Variants in SPATA13 observed in about 807,000 individuals in gnomAD.
SPATA13 encodes the protein spermatogenesis-associated protein 13.
SPATA13 carries 50 observed loss-of-function variants against 104.0 expected under a neutral mutation model. The observed-to-expected ratio is 0.48, with a 90% CI of 0.38 to 0.61. The LOEUF is 0.61. Ranked by LOEUF, SPATA13 falls within the 20% of genes least tolerant of loss-of-function variation. The pLI, the probability that SPATA13 is intolerant of heterozygous loss-of-function variation, is 0.00. For synonymous variants in SPATA13, 606 were observed against 667.5 expected (o/e 0.91, Z 1.42); for missense variants, 1,524 against 1,690.6 (o/e 0.90, Z 1.73).
chr13:24,125,267 C>T (rs555352054), intron 3 of SPATA13, among the ~76,000 whole-genome samples: 10 of 152,304 alleles, frequency 6.6e-5, no homozygotes, highest in African/African-American at 2.4e-4. Context: ...AGTTGCATCT[C>T]CTAACACGGC....
chr13:24,054,659 A>G (rs1593301658), intron 3 of SPATA13, among the ~76,000 whole-genome samples: 1 of 152,244 alleles, frequency 6.6e-6, no homozygotes, highest in East Asian at 1.9e-4. Flanking sequence ...AAGAGAAAAT[A>G]TGTGAAATAT....
chr13:24,122,575 A>G, intron 3 of SPATA13: 1 of 1,549,116 alleles, frequency 6.5e-7, no homozygotes, highest in African/African-American at 1.4e-5. Flanking sequence ...ATGACCTCTA[A>G]CAATTTTGTT....
At chr13:24,191,510 T>C (rs972301875) in intron 1 of SPATA13, among the ~76,000 whole-genome samples, 14 of 124,700 alleles carry the variant, frequency 1.1e-4, no homozygotes, top group East Asian at 1.1e-3. Flanking sequence ...TCTTTTTTTT[T>C]TTTTTTTTTT....
chr13:24,054,966 ATGAC>A lies in SPATA13; in HGVS notation c.-112+37267_-112+37270del, dbSNP rs557196136. 5.3e-4 allele frequency among the ~76,000 whole-genome samples: 81 copies of A among 152,356 alleles called. 1 individual carries two copies. The South Asian group carries it at 0.015, about 28-fold the overall frequency. On this transcript the variant is annotated intron_variant, in intron 3 of 14. Transcript: ENST00000424834. ...AGCTACCTTTCAGAAGCTGGTTATT[ATGAC>A]TATTATTTTACACTCATAATTCAAT...
Position 24,297,400 on chromosome 13 carries a change from A to T in SPATA13, c.3248A>T (p.His1083Leu). The change falls in exon 11 of 13, where the codon CAT becomes CTT. Residue 1083 changes from histidine (H) to leucine (L), a missense_variant. Transcript: ENST00000382108. ...DILDRSSELI[H>L]SGELTKITKQ... is the part of the protein sequence containing the mutation. ...TTAGACCGAAGCTCAGAATTGATTC[A>T]TTCTGGGGAGCTGACCAAAATCACT... 1 of 1,613,778 alleles carries T rather than the reference A, an allele frequency of 6.2e-7. No homozygotes were observed. The highest frequency in any genetic ancestry group is 1.7e-5 in the Admixed American group (1 of 60,014).
chr13:24,172,842 C>T (rs551879565), intron 1 of SPATA13, among the ~76,000 whole-genome samples: 9 of 152,240 alleles, frequency 5.9e-5, no homozygotes, highest in South Asian at 2.1e-4. Flanking sequence ...TTAGAATAGT[C>T]GTCTCTCCAT....
intron 3 of SPATA13, among the ~76,000 whole-genome samples, chr13:24,143,850 A>G (rs1593357897): frequency 6.6e-6 from 1 of 152,298 alleles, no homozygotes; most frequent in South Asian, 2.1e-4. Flanking sequence ...AACATGTGAC[A>G]CTTTCTCTCT....
At chr13:24,195,484 G>A (rs1354412136) in intron 1 of SPATA13, among the ~76,000 whole-genome samples, 1 of 152,078 alleles carries the variant, frequency 6.6e-6, no homozygotes, top group African/African-American at 2.4e-5. Flanking sequence ...TGGAATTGAT[G>A]GGTCATATAA....
chr13:24,030,060 A>ATG (rs1252280588), intron 3 of SPATA13, among the ~76,000 whole-genome samples: 4,365 of 143,462 alleles, frequency 0.03, 209 homozygotes, highest in African/African-American at 0.1. Flanking sequence ...ACACACACAC[A>ATG]CACACGCACA....
At chr13:24,270,214 T>C (rs1305716998) in intron 4 of SPATA13, among the ~76,000 whole-genome samples, 2 of 152,152 alleles carry the variant, frequency 1.3e-5, no homozygotes, top group African/African-American at 2.4e-5. Flanking sequence ...TAGAAGAGTA[T>C]AGAGGAAATA....
chr13:24,147,721 T>TG (rs1881977392), intron 3 of SPATA13, among the ~76,000 whole-genome samples: 1 of 152,160 alleles, frequency 6.6e-6, no homozygotes, highest in South Asian at 2.1e-4. Flanking sequence ...GAGCTGAAAC[T>TG]GAAACCCTGT....
intron 1 of SPATA13, among the ~76,000 whole-genome samples, chr13:24,201,136 T>C (rs1024843418): frequency 6.6e-6 from 1 of 151,372 alleles, no homozygotes; most frequent in Non-Finnish European, 1.5e-5. Context: ...TTCCCTTGCC[T>C]TAGTGAGGTT....
intron 3 of SPATA13, among the ~76,000 whole-genome samples, chr13:24,066,423 T>G (rs146100313): frequency 7.5e-4 from 114 of 152,174 alleles, no homozygotes; most frequent in Non-Finnish European, 1.3e-3. Context: ...GGCCCGGAGG[T>G]GAGACTCCCA....
intron 1 of SPATA13, among the ~76,000 whole-genome samples, chr13:24,212,141 G>A (rs952176035): frequency 6.6e-6 from 1 of 151,998 alleles, no homozygotes; most frequent in African/African-American, 2.4e-5. Context: ...GGCCAGGTGC[G>A]GTGGCTCTTG....
chr13:24,222,386 C>A (rs962818094), intron 1 of SPATA13, among the ~76,000 whole-genome samples: 2 of 152,156 alleles, frequency 1.3e-5, no homozygotes, highest in Non-Finnish European at 2.9e-5. Flanking sequence ...TTTGAGTATT[C>A]GGTATGTTGG....
chr13:24,215,710 G>T (rs892236620), intron 1 of SPATA13, among the ~76,000 whole-genome samples: 13 of 152,168 alleles, frequency 8.5e-5, no homozygotes, highest in African/African-American at 3.1e-4. Flanking sequence ...ATTCTGTGCT[G>T]ACTGCACTGT....
chr13:24,227,503 A>G (rs1872011153), intron 2 of SPATA13, among the ~76,000 whole-genome samples: 1 of 152,234 alleles, frequency 6.6e-6, no homozygotes, highest in Non-Finnish European at 1.5e-5. Context: ...AGGTGCGTGC[A>G]CATGTTGATA....
intron 3 of SPATA13, among the ~76,000 whole-genome samples, chr13:24,119,942 G>A (rs1269648668): frequency 1.3e-5 from 2 of 152,196 alleles, no homozygotes; most frequent in African/African-American, 4.8e-5. Flanking sequence ...TTTTCCATGA[G>A]GGAGCAAATG....
chr13:24,291,264 G>A (rs146033796), intron 9 of SPATA13, among the ~76,000 whole-genome samples: 1 of 152,316 alleles, frequency 6.6e-6, no homozygotes, highest in African/African-American at 2.4e-5. Flanking sequence ...CCATAACTCT[G>A]GTTCTCTCCT....
Sources: gnomAD v4.1 joint callset for allele counts (sites outside exome capture counted in the v4.1 genomes callset) on GRCh38, gnomAD v4.1.1 for gene constraint, MANE v1.5 for transcripts, NCBI Gene and HGNC (gene_info 2026-07-23, HGNC 2026-07-21) for gene names.